Variants in TRAPPC9 observed in about 807,000 individuals in gnomAD.
TRAPPC9 encodes IKK2 binding protein.
A neutral mutation model predicts 124.0 loss-of-function variants in TRAPPC9; 83 were observed. The ratio of observed to expected loss-of-function variants is 0.67; its 90% CI spans 0.56 to 0.80. The LOEUF (loss-of-function observed/expected upper bound fraction) is 0.80. TRAPPC9 is among the 30% of genes least tolerant of loss of function. TRAPPC9 has a pLI of 0.00. For missense variants in TRAPPC9, 1,302 were observed against 1,508.3 expected, an observed-to-expected ratio of 0.86 and a Z score of 2.27; for synonymous variants, 638 against 617.5, an observed-to-expected ratio of 1.03 and a Z score of -0.49.
chr8:140,386,532 A>G (rs1244698962), intron 7 of TRAPPC9, among the ~76,000 whole-genome samples: 1 of 152,156 alleles, frequency 6.6e-6, no homozygotes, highest in South Asian at 2.1e-4. Context: ...ACAGACAAAC[A>G]GAGAGCCAAA....
intron 19 of TRAPPC9, among the ~76,000 whole-genome samples, chr8:139,945,013 A>G (rs1280833238): frequency 2.0e-5 from 3 of 152,170 alleles, no homozygotes; most frequent in African/African-American, 7.2e-5. Flanking sequence ...AAAGCCAGCT[A>G]CACAGGAGGC....
intron 16 of TRAPPC9, among the ~76,000 whole-genome samples, chr8:140,236,597 C>G (rs998368570): frequency 6.6e-6 from 1 of 152,078 alleles, no homozygotes; most frequent in Non-Finnish European, 1.5e-5. Context: ...CATTTGTGTT[C>G]ATTACTGTAT....
At position 140,275,795 on chromosome 8, in the gene TRAPPC9, G is replaced by C; in HGVS notation, c.2141C>G (p.Ser714Cys). 6.2e-7 allele frequency: 1 copy of C among 1,613,574 alleles called. No homozygotes were observed. The highest frequency in any genetic ancestry group is 8.5e-7 in the Non-Finnish European group (1 of 1,179,526). ...PRSAHSLQPS[S>C]GDEISTNVSV... ...TACATTAGTAGATATTTCATCACCA[G>C]AAGAAGGTTGCAATGAATGTGCAGA... The change falls in exon 15 of 23, where the codon TCT becomes TGT. Residue 714 changes from serine (S) to cysteine (C), a missense_variant. By Grantham distance (112) the Ser-to-Cys change is moderately radical. This residue lies in a region of TRAPPC9 where 640 missense variants were observed against 679.3 expected (regional missense o/e 0.94). Transcript: ENST00000438773.
intron 17 of TRAPPC9, among the ~76,000 whole-genome samples, chr8:140,152,786 T>C (rs2061568082): frequency 6.6e-6 from 1 of 152,208 alleles, no homozygotes. Context: ...TTACAAGTCT[T>C]GCAATTCTTT....
chr8:140,009,295 C>G lies in TRAPPC9; in HGVS notation c.2699+14642G>C, dbSNP rs1034512103. Among the ~76,000 whole-genome samples the G allele has an allele frequency of 4.6e-5, 7 of 152,164 alleles. No homozygotes were observed. The East Asian group carries it at 1.3e-3, about 29-fold the overall frequency. ...TGTTATAACAGCAGACTGATATTGT[C>G]AAGACATCACAGGACAAATGAGCAC... is the stretch of plus-strand genomic sequence containing the variant. On this transcript the variant is annotated intron_variant, in intron 18 of 22. Transcript: ENST00000438773.
chr8:140,365,759 T>A (rs906937693), intron 8 of TRAPPC9, among the ~76,000 whole-genome samples: 1 of 152,286 alleles, frequency 6.6e-6, no homozygotes, highest in Non-Finnish European at 1.5e-5. Context: ...TTGTAACATC[T>A]AATAAGGACA....
intron 17 of TRAPPC9, among the ~76,000 whole-genome samples, chr8:140,076,441 C>T (rs1843514979): frequency 6.6e-6 from 1 of 152,156 alleles, no homozygotes; most frequent in Non-Finnish European, 1.5e-5. Context: ...ACTGTTCTTT[C>T]TGAAAAAGCC....
chr8:140,325,397 A>C (rs949524935), intron 9 of TRAPPC9, among the ~76,000 whole-genome samples: 3 of 152,250 alleles, frequency 2.0e-5, no homozygotes, highest in African/African-American at 7.2e-5. Context: ...TTGAAAACAA[A>C]TGATAAACCC....
At chr8:140,243,304 G>A (rs972485476) in intron 16 of TRAPPC9, among the ~76,000 whole-genome samples, 28 of 152,332 alleles carry the variant, frequency 1.8e-4, no homozygotes, top group African/African-American at 6.3e-4. Flanking sequence ...CCTCTACAAC[G>A]AAACAGATGG....
chr8:139,918,728 A>T (rs1467675566), intron 19 of TRAPPC9, among the ~76,000 whole-genome samples: 1 of 152,246 alleles, frequency 6.6e-6, no homozygotes, highest in Admixed American at 6.5e-5. Context: ...TGTTTATTTT[A>T]GGACCTTTAA....
intron 10 of TRAPPC9, among the ~76,000 whole-genome samples, chr8:140,309,619 AG>A: frequency 6.6e-6 from 1 of 152,390 alleles, no homozygotes; most frequent in South Asian, 2.1e-4. Flanking sequence ...AAATGATTCA[AG>A]TCATGATGTA....
intron 17 of TRAPPC9, among the ~76,000 whole-genome samples, chr8:140,103,919 A>G (rs2060622876): frequency 6.6e-6 from 1 of 152,190 alleles, no homozygotes. Context: ...CCTGGGAGAG[A>G]GAGACAGTGT....
At chr8:140,308,228 G>A (rs1435903835) in intron 10 of TRAPPC9, among the ~76,000 whole-genome samples, 1 of 151,752 alleles carries the variant, frequency 6.6e-6, no homozygotes, top group Non-Finnish European at 1.5e-5. Flanking sequence ...AGGAAATAGG[G>A]CGCTCACAAT....
intron 17 of TRAPPC9, among the ~76,000 whole-genome samples, chr8:140,092,427 C>T (rs1353824417): frequency 6.6e-6 from 1 of 152,002 alleles, no homozygotes; most frequent in Non-Finnish European, 1.5e-5. Context: ...GAACTCCTGA[C>T]CTTAAGAGAT....
intron 21 of TRAPPC9, among the ~76,000 whole-genome samples, chr8:139,882,464 A>C (rs1229992483): frequency 1.3e-5 from 2 of 152,156 alleles, no homozygotes; most frequent in East Asian, 3.9e-4. Context: ...AGTGAATACC[A>C]CGGCTCTTTT....
intron 18 of TRAPPC9, among the ~76,000 whole-genome samples, chr8:140,022,842 C>T (rs1839900848): frequency 6.6e-6 from 1 of 152,212 alleles, no homozygotes; most frequent in African/African-American, 2.4e-5. Context: ...CTAAAAGGCC[C>T]AGCTAAACCA....
chr8:140,163,854 G>C (rs548970656), intron 17 of TRAPPC9, among the ~76,000 whole-genome samples: 3 of 152,124 alleles, frequency 2.0e-5, no homozygotes, highest in Non-Finnish European at 4.4e-5. Context: ...GTTGTAAAAA[G>C]AGAACTGACT....
At chr8:140,443,237 C>T (rs567058475) in intron 2 of TRAPPC9, among the ~76,000 whole-genome samples, 8 of 147,872 alleles carry the variant, frequency 5.4e-5, no homozygotes, top group Admixed American at 1.4e-4. Flanking sequence ...AGATCGAGAC[C>T]ATCCTGGCTA....
At chr8:140,334,464 A>G (rs1227166974) in intron 9 of TRAPPC9, among the ~76,000 whole-genome samples, 1 of 152,076 alleles carries the variant, frequency 6.6e-6, no homozygotes, top group African/African-American at 2.4e-5. Flanking sequence ...AGCCTAGCCA[A>G]CGTGGTGAAA....
Sources: allele counts gnomAD v4.1 joint callset (sites outside exome capture counted in the v4.1 genomes callset), GRCh38; gene constraint gnomAD v4.1.1; regional missense constraint gnomAD v4.1.1; transcripts MANE v1.5; gene names NCBI Gene and HGNC (gene_info 2026-07-23, HGNC 2026-07-21).